The following PDE1C variants were observed in gnomAD, a reference collection of about 807,000 sequenced individuals.
PDE1C encodes dual specificity calcium/calmodulin-dependent 3',5'-cyclic nucleotide phosphodiesterase 1C.
In PDE1C, 62 loss-of-function variants were observed where a neutral mutation model predicts 93.1. The observed-to-expected ratio is 0.67, with a 90% CI of 0.54 to 0.82. The LOEUF is 0.82. PDE1C is among the 40% of genes least tolerant of loss of function. The pLI, the probability that PDE1C is intolerant of heterozygous loss-of-function variation, is 0.00. For synonymous variants in PDE1C, 325 were observed against 310.1 expected, an observed-to-expected ratio of 1.05 and a Z score of -0.50; for missense variants, 742 against 884.6, an observed-to-expected ratio of 0.84 and a Z score of 2.04.
chr7:31,974,421 T>C (rs1480263231), intron 2 of PDE1C, among the ~76,000 whole-genome samples: 1 of 152,242 alleles, frequency 6.6e-6, no homozygotes, highest in Non-Finnish European at 1.5e-5. Context: ...TATTATCTTT[T>C]TGTTCTAATA....
rs770463726 is a variant in PDE1C at position 31,775,644 on chromosome 7, G to C, written c.1960+20C>G. ...ATTGTCTGTGGTCACTAAGATAATG[G>C]TGCAATGCTGTTTACCCACCTGGCA... is the stretch of plus-strand genomic sequence containing the variant. On this transcript the variant is annotated intron_variant, in intron 17 of 17. Coordinates refer to ENST00000396191, the MANE Select transcript of PDE1C (RefSeq NM_001191057.4). The C allele has an allele frequency of 1.2e-6, 2 of 1,605,386 alleles. No homozygotes were observed. Among genetic ancestry groups the C allele is most frequent in the Non-Finnish European group, 1.7e-6 (2 of 1,173,342 alleles).
intron 2 of PDE1C, among the ~76,000 whole-genome samples, chr7:32,200,605 A>C (rs1804941154): frequency 6.6e-6 from 1 of 152,192 alleles, no homozygotes. Context: ...TTGCTCAAAA[A>C]CTTGCACTTT....
chr7:32,183,140 G>T (rs1341472807), intron 2 of PDE1C, among the ~76,000 whole-genome samples: 1 of 152,126 alleles, frequency 6.6e-6, no homozygotes, highest in Non-Finnish European at 1.5e-5. Flanking sequence ...ACTGCTCAAT[G>T]AAATAAAAGA....
intron 1 of PDE1C, among the ~76,000 whole-genome samples, chr7:32,295,818 C>A (rs1205786396): frequency 7.0e-6 from 1 of 143,546 alleles, no homozygotes; most frequent in Non-Finnish European, 1.5e-5. Context: ...GGTGTGAACG[C>A]GGGAGGCGGA....
chr7:31,630,262 A>C, the PDE1C span, among the ~76,000 whole-genome samples: 2 of 150,902 alleles, frequency 1.3e-5, no homozygotes, highest in African/African-American at 4.9e-5. Context: ...AAAAAAAAAA[A>C]CATTGAAAAT....
intron 1 of PDE1C, among the ~76,000 whole-genome samples, chr7:32,362,730 G>A (rs904339582): frequency 2.6e-5 from 4 of 152,138 alleles, no homozygotes; most frequent in East Asian, 1.9e-4. Flanking sequence ...CAGATGTCAC[G>A]GTGAGAAAGC....
At chr7:31,990,831 G>A (rs1215721755) in intron 2 of PDE1C, among the ~76,000 whole-genome samples, 3 of 152,122 alleles carry the variant, frequency 2.0e-5, no homozygotes, top group Admixed American at 6.5e-5. Context: ...GGAAAAAAAT[G>A]AATTTAAATT....
chr7:32,019,270 A>G (rs1428195858), intron 2 of PDE1C, among the ~76,000 whole-genome samples: 1 of 152,042 alleles, frequency 6.6e-6, no homozygotes, highest in Non-Finnish European at 1.5e-5. Flanking sequence ...CTAAAACATG[A>G]TTAGAGTTAG....
chr7:32,181,833 A>C lies in PDE1C; in HGVS notation c.137-11877T>G, dbSNP rs1803458574. 3.9e-5 allele frequency among the ~76,000 whole-genome samples: 6 copies of C among 152,376 alleles called. No homozygotes were observed. In the South Asian group the frequency reaches 1.2e-3, roughly 32 times the overall value. On this transcript the variant is annotated intron_variant, in intron 2 of 18. Coordinates refer to the PDE1C transcript ENST00000396193. ...ACTGAAGGAAATAGAGACACAAAAA[A>C]TCCTTCAAAAAATCAATGAATCCAG...
At chr7:32,083,399 A>C (rs1302303137) in intron 3 of PDE1C, among the ~76,000 whole-genome samples, 1 of 152,166 alleles carries the variant, frequency 6.6e-6, no homozygotes, top group Non-Finnish European at 1.5e-5. Flanking sequence ...AGTGACAGGG[A>C]GAATGGAACC....
intron 3 of PDE1C, among the ~76,000 whole-genome samples, chr7:32,121,222 G>A (rs1179849205): frequency 6.6e-6 from 1 of 152,122 alleles, no homozygotes; most frequent in African/African-American, 2.4e-5. Context: ...CAAGAAATAT[G>A]GGACTATGTA....
At chr7:32,037,738 T>C (rs1475365229) in intron 2 of PDE1C, among the ~76,000 whole-genome samples, 3 of 152,202 alleles carry the variant, frequency 2.0e-5, no homozygotes, top group Non-Finnish European at 4.4e-5. Flanking sequence ...TCTCCAATTA[T>C]GTCATTAGCT....
chr7:31,989,566 A>G (rs959054166), intron 2 of PDE1C, among the ~76,000 whole-genome samples: 1 of 151,144 alleles, frequency 6.6e-6, no homozygotes, highest in African/African-American at 2.5e-5. Flanking sequence ...CCTTCAGTCA[A>G]GTGGTTTCTC....
At chr7:32,045,638 G>C (rs1356829397) in intron 2 of PDE1C, among the ~76,000 whole-genome samples, 1 of 152,142 alleles carries the variant, frequency 6.6e-6, no homozygotes, top group African/African-American at 2.4e-5. Context: ...TTCCCAACAA[G>C]TTACTTAGCT....
At chr7:32,358,412 T>C (rs1323892099) in intron 1 of PDE1C, among the ~76,000 whole-genome samples, 1 of 152,226 alleles carries the variant, frequency 6.6e-6, no homozygotes, top group African/African-American at 2.4e-5. Flanking sequence ...CCTCTCAAGC[T>C]GCAGTGTGTT....
chr7:31,916,258 A>G (rs1421950063), intron 2 of PDE1C, among the ~76,000 whole-genome samples: 2 of 152,188 alleles, frequency 1.3e-5, no homozygotes, highest in African/African-American at 4.8e-5. Context: ...GAAGATAAAA[A>G]CTGTCTGTTT....
At chr7:32,045,771 A>G (rs1192935457) in intron 2 of PDE1C, among the ~76,000 whole-genome samples, 1 of 152,210 alleles carries the variant, frequency 6.6e-6, no homozygotes, top group Non-Finnish European at 1.5e-5. Context: ...GGCAGAGTTC[A>G]GCAGAAGATG....
intron 2 of PDE1C, among the ~76,000 whole-genome samples, chr7:32,182,616 C>T (rs925292890): frequency 6.6e-6 from 1 of 152,192 alleles, no homozygotes; most frequent in Non-Finnish European, 1.5e-5. Context: ...ATGCTAAAAA[C>T]TCTCAATAAA....
chr7:32,046,156 T>A (rs980608285), intron 2 of PDE1C, among the ~76,000 whole-genome samples: 5 of 152,002 alleles, frequency 3.3e-5, no homozygotes, highest in Admixed American at 2.0e-4. Flanking sequence ...CATGTCTGTA[T>A]CCTGGGCTGT....
Sources: gnomAD v4.1 joint callset for allele counts (sites outside exome capture counted in the v4.1 genomes callset) on GRCh38, gnomAD v4.1.1 for gene constraint, MANE v1.5 for transcripts, NCBI Gene and HGNC (gene_info 2026-07-23, HGNC 2026-07-21) for gene names.